The following GRB10 variants were observed in gnomAD, a reference collection of about 807,000 sequenced individuals.
GRB10 encodes the protein growth factor receptor bound protein 10.
In GRB10, 20 loss-of-function variants were observed where a neutral mutation model predicts 80.9. That is an observed-to-expected ratio of 0.25 (90% CI 0.17 to 0.36). The LOEUF is 0.36. GRB10 is among the 10% of genes least tolerant of loss of function. The pLI, the probability that GRB10 is intolerant of heterozygous loss-of-function variation, is 1.00. For missense variants in GRB10, 548 were observed against 747.7 expected (o/e 0.73, Z 3.12); for synonymous variants, 291 against 291.5 (o/e 1.00, Z 0.02).
At chr7:50,611,401 C>T (rs2153576221) in intron 13 of GRB10, among the ~76,000 whole-genome samples, 1 of 152,338 alleles carries the variant, frequency 6.6e-6, no homozygotes, top group South Asian at 2.1e-4. Context: ...TGAAAACCGG[C>T]TTACACAGGA....
At chr7:50,679,280 A>G (rs948415119) in intron 5 of GRB10, among the ~76,000 whole-genome samples, 2 of 152,226 alleles carry the variant, frequency 1.3e-5, no homozygotes, top group Admixed American at 6.5e-5. Flanking sequence ...TCAGCGAAAC[A>G]CATTTGCATC....
At chr7:50,790,246 A>G (rs2078855892) in intron 1 of GRB10, among the ~76,000 whole-genome samples, 1 of 152,228 alleles carries the variant, frequency 6.6e-6, no homozygotes, top group African/African-American at 2.4e-5. Context: ...ATAGTATGCA[A>G]ACTCTGAAAG....
At chr7:50,595,411 A>T in intron 18 of GRB10, 26 bp downstream of exon 18, 1 of 1,188,744 alleles carries the variant, frequency 8.4e-7, no homozygotes, top group South Asian at 1.2e-5. Context: ...AACCACAAGG[A>T]CTGGTCTGAG....
intron 2 of GRB10, among the ~76,000 whole-genome samples, chr7:50,759,566 T>C (rs1165298145): frequency 1.3e-5 from 2 of 152,234 alleles, no homozygotes; most frequent in Non-Finnish European, 2.9e-5. Context: ...GTAAATGCTA[T>C]ATTGTTTATG....
intron 7 of GRB10, among the ~76,000 whole-genome samples, chr7:50,669,490 G>A (rs2060141846): frequency 6.6e-6 from 1 of 152,194 alleles, no homozygotes; most frequent in Non-Finnish European, 1.5e-5. Flanking sequence ...CTCCCACCAG[G>A]CCCTGCCTCC....
In GRB10 at chr7:50,606,337, C is replaced by A; in HGVS notation, c.1272G>T (p.Val424=). 1 of 1,613,060 alleles carries A rather than the reference C, an allele frequency of 6.2e-7. No homozygotes were observed. Among genetic ancestry groups the A allele is most frequent in the Non-Finnish European group, 8.5e-7 (1 of 1,179,028 alleles). The change falls in exon 14 of 19, where the codon GTG becomes GTT. Residue 424 remains valine, a splice_region_variant and synonymous_variant. Transcript: ENST00000401949. ...KALLSPFSTP[V]RSVSENSLVA... is the part of the protein sequence containing the mutation. The stretch of plus-strand genomic sequence containing the variant: ...TTCTGAAGCTCCTGGCTTTACTTAC[C>A]ACTGGCGTCGAGAACGGGGACAGCA...
intron 8 of GRB10, 100 bp downstream of exon 8, chr7:50,626,722 G>A (rs2052971063): frequency 1.3e-5 from 17 of 1,359,068 alleles, no homozygotes; most frequent in Non-Finnish European, 1.8e-5. Flanking sequence ...AATTTCGCAG[G>A]GGACACTGCG....
chr7:50,778,382 G>A (rs974999160), intron 2 of GRB10, among the ~76,000 whole-genome samples: 4 of 152,194 alleles, frequency 2.6e-5, no homozygotes, highest in African/African-American at 9.6e-5. Flanking sequence ...GATGACAAAG[G>A]AATGGGTCCA....
chr7:50,643,617 T>G (rs1052808868), intron 7 of GRB10, among the ~76,000 whole-genome samples: 3 of 152,200 alleles, frequency 2.0e-5, no homozygotes, highest in Non-Finnish European at 4.4e-5. Context: ...TTATTAAGGG[T>G]AAATATCCTG....
At chr7:50,684,267 CAA>C (rs386410128) in intron 5 of GRB10, among the ~76,000 whole-genome samples, 5 of 62,302 alleles carry the variant, frequency 8.0e-5, no homozygotes, top group African/African-American at 3.5e-4. Flanking sequence ...CAATCATCAC[CAA>C]AAAAAAAAAA....
At chr7:50,777,668 A>T (rs1445102928) in intron 2 of GRB10, among the ~76,000 whole-genome samples, 1 of 152,126 alleles carries the variant, frequency 6.6e-6, no homozygotes, top group African/African-American at 2.4e-5. Flanking sequence ...ACCAACCCAA[A>T]TGCCCATTAA....
chr7:50,709,837 C>A (rs1313780589), intron 4 of GRB10, among the ~76,000 whole-genome samples: 1 of 152,070 alleles, frequency 6.6e-6, no homozygotes, highest in Non-Finnish European at 1.5e-5. Context: ...CAGGCCCCAG[C>A]CAGAGCTGCT....
At chr7:50,643,863 G>A (rs2056721744) in intron 7 of GRB10, among the ~76,000 whole-genome samples, 1 of 152,156 alleles carries the variant, frequency 6.6e-6, no homozygotes, top group Admixed American at 6.5e-5. Context: ...GGGAATCAGG[G>A]TAAAGAATAT....
chr7:50,674,360 T>C (rs2060675265), intron 6 of GRB10, 76 bp downstream of exon 6: 10 of 1,402,128 alleles, frequency 7.1e-6, no homozygotes, highest in Non-Finnish European at 9.9e-6. Context: ...CAACACCATT[T>C]AACTCACAGA....
At chr7:50,732,450 T>G in intron 3 of GRB10, 82 bp from the exon 4 acceptor site, 1 of 841,648 alleles carries the variant, frequency 1.2e-6, no homozygotes, top group South Asian at 1.4e-5. Flanking sequence ...AAGTGTGACA[T>G]GTCTGAATGG....
chr7:50,618,228 T>C (rs2051002963), intron 9 of GRB10, 89 bp from the exon 10 acceptor site: 2 of 953,648 alleles, frequency 2.1e-6, no homozygotes, highest in African/African-American at 1.6e-5. Flanking sequence ...TTTAAAACTA[T>C]TCCTACCAGT....
chr7:50,783,097 A>C (rs1374691325), upstream of GRB10, among the ~76,000 whole-genome samples: 1 of 152,200 alleles, frequency 6.6e-6, no homozygotes, highest in African/African-American at 2.4e-5. Flanking sequence ...AAAGCCCTCC[A>C]TGTCTACCCG....
At chr7:50,610,546 G>A (rs2049323937) in intron 13 of GRB10, among the ~76,000 whole-genome samples, 1 of 152,212 alleles carries the variant, frequency 6.6e-6, no homozygotes, top group Admixed American at 6.5e-5. Flanking sequence ...CTTCCAGGTG[G>A]CTCTAGGGAG....
At chr7:50,785,119 C>T (rs1287737785), upstream of GRB10, among the ~76,000 whole-genome samples, 2 of 151,964 alleles carry the variant, frequency 1.3e-5, no homozygotes, top group African/African-American at 2.4e-5. Flanking sequence ...TGGAGCAGCA[C>T]CTCCAACAGA....
Sources: gnomAD v4.1 joint callset for allele counts (sites outside exome capture counted in the v4.1 genomes callset) on GRCh38, gnomAD v4.1.1 for gene constraint, MANE v1.5 for transcripts, NCBI Gene and HGNC (gene_info 2026-07-23, HGNC 2026-07-21) for gene names.